The following SNX9 variants were observed in gnomAD, a reference collection of about 807,000 sequenced individuals.
The protein encoded by SNX9 is sorting nexin 9, also known as sorting nexin-9.
SNX9 carries 44 observed loss-of-function variants against 89.4 expected under a neutral mutation model. The observed-to-expected ratio is 0.49, with a 90% CI of 0.39 to 0.63. SNX9 has a LOEUF of 0.63. SNX9 is among the 30% of genes least tolerant of loss of function. The probability of loss-of-function intolerance (pLI) is 0.00; values close to 1 mark genes in which losing one functional copy is unlikely to be tolerated. For synonymous variants in SNX9, 236 were observed against 247.8 expected, an observed-to-expected ratio of 0.95 and a Z score of 0.45; for missense variants, 578 against 736.1, an observed-to-expected ratio of 0.79 and a Z score of 2.49.
At chr6:157,863,216 A>G in intron 1 of SNX9, among the ~76,000 whole-genome samples, 1 of 152,254 alleles carries the variant, frequency 6.6e-6, no homozygotes, top group East Asian at 1.9e-4. Context: ...TATGTACAAC[A>G]TAGGTCAGAT....
At chr6:157,935,015 A>G (rs1045460732) in intron 13 of SNX9, among the ~76,000 whole-genome samples, 20 of 152,256 alleles carry the variant, frequency 1.3e-4, no homozygotes, top group African/African-American at 4.6e-4. Flanking sequence ...ATGTGGAATG[A>G]AGCATATCAA....
chr6:157,899,053 G>A (rs545774286), intron 5 of SNX9, among the ~76,000 whole-genome samples: 2 of 151,228 alleles, frequency 1.3e-5, no homozygotes, highest in South Asian at 4.2e-4. Flanking sequence ...TTAGAGTAGG[G>A]GAGGAAGGAG....
Position 157,940,968 on chromosome 6 carries a change from C to CA in SNX9, c.1734_1735insA (p.Glu579ArgfsTer24). ...ACCTGGAGCAGCAAGTGCAATTTTA[C>CA]GAAACGGTGAGTGGGCGTCCACGTG... On this transcript the variant is annotated frameshift_variant, in exon 17 of 18. Coordinates refer to ENST00000392185, the MANE Select transcript of SNX9 (RefSeq NM_016224.5). LOFTEE classifies it high-confidence loss of function. 5.0e-6 allele frequency: 8 copies of CA among 1,614,074 alleles called. No individual in the cohort carries two copies. The highest frequency in any genetic ancestry group is 6.8e-6 in the Non-Finnish European group (8 of 1,179,962).
At chr6:157,826,471 G>C (rs1299995451) in intron 1 of SNX9, among the ~76,000 whole-genome samples, 1 of 147,896 alleles carries the variant, frequency 6.8e-6, no homozygotes, top group South Asian at 2.1e-4. Flanking sequence ...CTGCACTCCA[G>C]CCTGGGTGAC....
chr6:157,912,657 G>A (rs1480888354), intron 9 of SNX9, among the ~76,000 whole-genome samples: 2 of 152,144 alleles, frequency 1.3e-5, no homozygotes, highest in Non-Finnish European at 1.5e-5. Flanking sequence ...CTGGAGAAAA[G>A]AAAAAGGAAT....
At chr6:157,936,750 AG>A (rs1032973279) in intron 14 of SNX9, among the ~76,000 whole-genome samples, 1 of 152,232 alleles carries the variant, frequency 6.6e-6, no homozygotes, top group Non-Finnish European at 1.5e-5. Flanking sequence ...TCCCCAGGAC[AG>A]GGTAGGTCCT....
At chr6:157,939,214 C>G (rs953549403) in intron 16 of SNX9, among the ~76,000 whole-genome samples, 3 of 151,938 alleles carry the variant, frequency 2.0e-5, no homozygotes, top group African/African-American at 7.3e-5. Context: ...TGGATTTTTC[C>G]TGTTGGCGGA....
chr6:157,859,933 T>TCAG (rs1222562946), intron 1 of SNX9, among the ~76,000 whole-genome samples: 1 of 152,180 alleles, frequency 6.6e-6, no homozygotes, highest in Non-Finnish European at 1.5e-5. Flanking sequence ...GTTATAGGAG[T>TCAG]CAGCAAATTT....
chr6:157,824,890 C>T (rs1435083066), intron 1 of SNX9, among the ~76,000 whole-genome samples: 1 of 152,074 alleles, frequency 6.6e-6, no homozygotes, highest in Non-Finnish European at 1.5e-5. Flanking sequence ...AGGTTTGTTG[C>T]CAGACATTCC....
intron 1 of SNX9, among the ~76,000 whole-genome samples, chr6:157,840,884 A>G (rs1781690273): frequency 6.6e-6 from 1 of 152,222 alleles, no homozygotes; most frequent in South Asian, 2.1e-4. Context: ...TCATCAGACC[A>G]TTTGGCTGTT....
intron 9 of SNX9, among the ~76,000 whole-genome samples, chr6:157,919,411 T>C (rs1054942600): frequency 1.3e-5 from 2 of 152,220 alleles, no homozygotes; most frequent in African/African-American, 4.8e-5. Flanking sequence ...GTGTTCTTCA[T>C]GTTAGTTAAC....
At chr6:157,921,745 T>A (rs1392204869) in intron 10 of SNX9, 84 bp downstream of exon 10, 3 of 1,434,662 alleles carry the variant, frequency 2.1e-6, no homozygotes, top group Non-Finnish European at 1.9e-6. Flanking sequence ...GGAGTTAAAA[T>A]TATGTTGGTT....
At chr6:157,881,291 T>C (rs1583214725) in intron 4 of SNX9, among the ~76,000 whole-genome samples, 2 of 152,302 alleles carry the variant, frequency 1.3e-5, no homozygotes, top group Admixed American at 1.3e-4. Flanking sequence ...GGCACCACAA[T>C]GGCGAGCTTA....
Position 157,929,157 on chromosome 6 carries a change from G to A in SNX9, c.1288+455G>A, listed in dbSNP as rs534653590. Among the ~76,000 whole-genome samples, 11 of 152,300 alleles carry A rather than the reference G, an allele frequency of 7.2e-5. No homozygotes were observed. The East Asian group carries it at 9.6e-4, about 13-fold the overall frequency. ...GAAGCACTGCCGAGGGGAGAGTGTC[G>A]CTGTCAGTCACGGCTTTCTGACCAC... On this transcript the variant is annotated intron_variant, in intron 12 of 17. Coordinates refer to ENST00000392185, the MANE Select transcript of SNX9 (RefSeq NM_016224.5).
At chr6:157,917,532 C>A (rs1358653702) in intron 9 of SNX9, among the ~76,000 whole-genome samples, 1 of 151,966 alleles carries the variant, frequency 6.6e-6, no homozygotes, top group South Asian at 2.1e-4. Flanking sequence ...CTCATAAGTT[C>A]TTATTTGATC....
At chr6:157,900,662 A>T (rs1262885411) in intron 5 of SNX9, among the ~76,000 whole-genome samples, 2 of 152,190 alleles carry the variant, frequency 1.3e-5, no homozygotes, top group South Asian at 2.1e-4. Context: ...TCACATGGGG[A>T]TGAAGTAATT....
intron 1 of SNX9, among the ~76,000 whole-genome samples, chr6:157,831,198 C>T (rs1781472243): frequency 6.6e-6 from 1 of 152,138 alleles, no homozygotes; most frequent in South Asian, 2.1e-4. Context: ...GCTTTGTTTT[C>T]TTGTGTGTTT....
Position 157,942,806 on chromosome 6 carries a change from A to T in SNX9, c.1756A>T (p.Arg586Trp). ...TTCTTGTCAGATTGCAGAAAAGCTG[A>T]GGCAGGCCCTCAGCCGCTTTCCAGT... ...QFYETIAEKL[R>W]QALSRFPVM The change falls in exon 18 of 18, where the codon AGG (arginine) becomes TGG (tryptophan). Residue 586 changes from arginine (R) to tryptophan (W), a missense_variant. This residue lies in a region of SNX9 where 348 missense variants were observed against 491.4 expected (regional missense o/e 0.71). Coordinates refer to ENST00000392185, the MANE Select transcript of SNX9 (RefSeq NM_016224.5). The T allele has an allele frequency of 6.2e-7, 1 of 1,614,054 alleles. No homozygotes were observed. Among genetic ancestry groups the T allele is most frequent in the Non-Finnish European group, 8.5e-7 (1 of 1,179,956 alleles).
At chr6:157,903,685 C>T (rs939345127) in intron 6 of SNX9, among the ~76,000 whole-genome samples, 2 of 152,194 alleles carry the variant, frequency 1.3e-5, no homozygotes, top group Non-Finnish European at 2.9e-5. Context: ...GAGGTTCCAG[C>T]TCATGCCTGG....
Sources: allele counts gnomAD v4.1 joint callset (sites outside exome capture counted in the v4.1 genomes callset), GRCh38; gene constraint gnomAD v4.1.1; regional missense constraint gnomAD v4.1.1; transcripts MANE v1.5; gene names NCBI Gene and HGNC (gene_info 2026-07-23, HGNC 2026-07-21).